Variants in OR1L3 observed in about 807,000 individuals in gnomAD.
OR1L3 encodes olfactory receptor family 1 subfamily L member 3.
For synonymous variants in OR1L3, 137 were observed against 144.5 expected, an observed-to-expected ratio of 0.95 and a Z score of 0.37; for missense variants, 374 against 386.4, an observed-to-expected ratio of 0.97 and a Z score of 0.27.
Position 122,675,275 on chromosome 9 carries a change from T to C in OR1L3, c.146T>C (p.Ile49Thr), listed in dbSNP as rs1302720799. ...GGAAATCTGCTCATCATCTTGGCTATCCACTCTGATCCTCGACTTCAAAAC... is the reference window on the plus strand; with the variant it reads ...GGAAATCTGCTCATCATCTTGGCTACCCACTCTGATCCTCGACTTCAAAAC... ...LMGNLLIILA[I>T]HSDPRLQNPM... The change falls in exon 1 of 1, where the codon ATC (isoleucine) becomes ACC (threonine). Residue 49 changes from isoleucine to threonine, a missense_variant. Ile to Thr is a moderately conservative substitution (Grantham distance 89, BLOSUM62 -1). Transcript: ENST00000304820. 6.2e-7 allele frequency: 1 copy of C among 1,614,212 alleles called. No individual in the cohort carries two copies. The highest frequency in any genetic ancestry group is 2.2e-5 in the East Asian group (1 of 44,874).
Position 122,675,705 on chromosome 9 carries a change from C to A in OR1L3, c.576C>A (p.Thr192=). The change falls in exon 1 of 1, where the codon ACC becomes ACA. Residue 192 remains threonine (T), a synonymous_variant. Transcript: ENST00000304820. The stretch of plus-strand genomic sequence containing the variant: ...TGCTGAAACTGTCCTGCTCCTCCAC[C>A]TTTGTCAATGAAATTGTGGCCATGA... The part of the protein sequence containing the change: ...NPVLKLSCSS[T]FVNEIVAMTE... The A allele has an allele frequency of 6.2e-7, 1 of 1,614,084 alleles. No individual in the cohort carries two copies. The highest frequency in any genetic ancestry group is 8.5e-7 in the Non-Finnish European group (1 of 1,180,030).
Position 122,676,043 on chromosome 9 carries a change from A to T in OR1L3, c.914A>T (p.Asn305Ile), listed in dbSNP as rs754364087. Residue 305 changes from asparagine (N) to isoleucine (I), a missense_variant, in exon 1 of 1, where the codon AAC becomes ATC. Transcript: ENST00000304820. ...AAACGGGGCTTACAGAAATTGATAA[A>T]CAAGATTAAGTCTCAAATGAGTAGG... ...DMKRGLQKLINKIKSQMSRFS... is the reference protein window; with the variant it reads ...DMKRGLQKLIIKIKSQMSRFS... 3.7e-6 allele frequency: 6 copies of T among 1,609,878 alleles called. No individual in the cohort carries two copies. In the East Asian group the frequency reaches 1.1e-4, roughly 30 times the overall value.
rs746677060 is a variant in OR1L3, at chr9:122,675,449, T to C, written c.320T>C (p.Phe107Ser). 2.5e-6 allele frequency: 4 copies of C among 1,614,134 alleles called. No homozygotes were observed. Among genetic ancestry groups the C allele is most frequent in the Non-Finnish European group, 3.4e-6 (4 of 1,180,054 alleles). The change falls in exon 1 of 1, where the codon TTT (phenylalanine) becomes TCT (serine). Residue 107 changes from phenylalanine (F) to serine (S), a missense_variant. Physicochemically the swap from Phe to Ser is radical, Grantham distance 155. Transcript: ENST00000304820. ...CLAQMYFFLV[F>S]GNIDSYLLAA... ...GCACAGATGTATTTCTTCCTGGTTT[T>C]TGGAAACATAGATAGTTATCTCCTG...
At position 122,675,478 on chromosome 9, in the gene OR1L3, G is replaced by T. The variant is rs775893466; in HGVS notation, c.349G>T (p.Ala117Ser). 1 of 1,614,162 alleles carries T rather than the reference G, an allele frequency of 6.2e-7. No homozygotes were observed. The highest frequency in any genetic ancestry group is 1.1e-5 in the South Asian group (1 of 91,070). Residue 117 changes from alanine to serine, a missense_variant, in exon 1 of 1, where the codon GCT (alanine) becomes TCT (serine). By Grantham distance (99) the Ala-to-Ser change is moderately conservative. Transcript: ENST00000304820. Reference protein sequence around the residue: ...FGNIDSYLLAAMAINRCVAIC... With the variant: ...FGNIDSYLLASMAINRCVAIC... ...AAACATAGATAGTTATCTCCTGGCG[G>T]CTATGGCCATCAACCGCTGTGTAGC...
rs867065384 is a variant in OR1L3 at position 122,675,623 on chromosome 9, G to T, written c.494G>T (p.Arg165Leu). ...HSLLHVLLVNRLTFCTSNVIH... is the reference protein window; with the variant it reads ...HSLLHVLLVNLLTFCTSNVIH... Reference sequence around the variant, plus strand: ...CTCCTACATGTCCTCCTGGTGAATCGGCTCACCTTTTGTACATCAAATGTT... The same window carrying T: ...CTCCTACATGTCCTCCTGGTGAATCTGCTCACCTTTTGTACATCAAATGTT... The change falls in exon 1 of 1, where the codon CGG (arginine) becomes CTG (leucine). Residue 165 changes from arginine to leucine, a missense_variant. Transcript: ENST00000304820. The T allele has an allele frequency of 7.4e-6, 12 of 1,614,050 alleles. No homozygotes were observed. Among genetic ancestry groups the T allele is most frequent in the Non-Finnish European group, 1.0e-5 (12 of 1,180,010 alleles).
Position 122,675,493 on chromosome 9 carries a change from C to A in OR1L3, c.364C>A (p.Arg122Ser). The stretch of plus-strand genomic sequence containing the variant: ...TCTCCTGGCGGCTATGGCCATCAAC[C>A]GCTGTGTAGCCATTTGTAACCCATT... ...SYLLAAMAIN[R>S]CVAICNPFHY... Residue 122 changes from arginine (R) to serine (S), a missense_variant, in exon 1 of 1, where the codon CGC becomes AGC. Transcript: ENST00000304820. 6.2e-7 allele frequency: 1 copy of A among 1,614,194 alleles called. No homozygotes were observed. The highest frequency in any genetic ancestry group is 2.2e-5 in the East Asian group (1 of 44,888).
Position 122,675,723 on chromosome 9 carries a change from G to A in OR1L3, c.594G>A (p.Val198=). The change falls in exon 1 of 1, where the codon GTG becomes GTA. Residue 198 remains valine (V), a synonymous_variant. Coordinates refer to ENST00000304820, the MANE Select transcript of OR1L3 (RefSeq NM_001005234.1). ...CCTCCACCTTTGTCAATGAAATTGT[G>A]GCCATGACAGAAGGGCTGGCCTCTG... ...SCSSTFVNEI[V]AMTEGLASVM... 1.2e-6 allele frequency: 2 copies of A among 1,614,020 alleles called. No individual in the cohort carries two copies. Among genetic ancestry groups the A allele is most frequent in the East Asian group, 2.2e-5 (1 of 44,878 alleles).
At position 122,675,538 on chromosome 9, in the gene OR1L3, A is replaced by C. The variant is rs368393655; in HGVS notation, c.409A>C (p.Asn137His). The C allele has an allele frequency of 6.2e-7, 1 of 1,614,090 alleles. No homozygotes were observed. Among genetic ancestry groups the C allele is most frequent in the African/African-American group, 1.3e-5 (1 of 74,944 alleles). ...CNPFHYVTVMNRRCCVLLLAF... is the reference protein window; with the variant it reads ...CNPFHYVTVMHRRCCVLLLAF... ...CCCATTCCATTATGTCACTGTTATG[A>C]ACCGCAGATGCTGTGTGTTGCTACT... The change falls in exon 1 of 1, where the codon AAC becomes CAC. Residue 137 changes from asparagine (N) to histidine (H), a missense_variant. Asn to His is a moderately conservative substitution (Grantham distance 68, BLOSUM62 1). Coordinates refer to ENST00000304820, the MANE Select transcript of OR1L3 (RefSeq NM_001005234.1).
rs746657512 is a variant in OR1L3, at chr9:122,675,728, T to C, written c.599T>C (p.Met200Thr). Residue 200 changes from methionine to threonine, a missense_variant, in exon 1 of 1, where the codon ATG (methionine) becomes ACG (threonine). Transcript: ENST00000304820. ...SSTFVNEIVA[M>T]TEGLASVMAP... is the part of the protein sequence containing the mutation. ...ACCTTTGTCAATGAAATTGTGGCCA[T>C]GACAGAAGGGCTGGCCTCTGTGATG... 8 of 1,614,200 alleles carry C rather than the reference T, an allele frequency of 5.0e-6. No homozygotes were observed. The highest frequency in any genetic ancestry group is 1.1e-5 in the South Asian group (1 of 91,088).
rs751875791 is a variant in OR1L3 at position 122,675,177 on chromosome 9, A to G, written c.48A>G (p.Gly16=). 1 of 1,613,274 alleles carries G rather than the reference A, an allele frequency of 6.2e-7. No individual in the cohort carries two copies. The highest frequency in any genetic ancestry group is 2.2e-5 in the East Asian group (1 of 44,850). ...LTRLSEFILL[G]LSSRSEDQRP... The stretch of plus-strand genomic sequence containing the variant: ...GACTCTCTGAATTTATTCTCTTGGG[A>G]CTCTCCTCTCGGTCTGAAGACCAGA... Residue 16 remains glycine, a synonymous_variant, in exon 1 of 1, where the codon GGA becomes GGG. Transcript: ENST00000304820.
rs1401464742 is a variant in OR1L3, at chr9:122,675,641, C to G, written c.512C>G (p.Ser171Ter). The G allele has an allele frequency of 6.2e-7, 1 of 1,614,164 alleles. No individual in the cohort carries two copies. Among genetic ancestry groups the G allele is most frequent in the African/African-American group, 1.3e-5 (1 of 75,038 alleles). The change falls in exon 1 of 1, where the codon TCA becomes TGA. Residue 171 changes from serine to a stop codon, truncating the protein, a stop_gained. Coordinates refer to ENST00000304820, the MANE Select transcript of OR1L3 (RefSeq NM_001005234.1). LOFTEE classifies it low-confidence loss of function (END_TRUNC). ...GTGAATCGGCTCACCTTTTGTACAT[C>G]AAATGTTATCCATCATTTTTTTTGT... ...LLVNRLTFCT[S>*]NVIHHFFCDV... is the part of the protein sequence containing the mutation.
At position 122,675,761 on chromosome 9, in the gene OR1L3, T is replaced by C. The variant is rs1830643744; in HGVS notation, c.632T>C (p.Phe211Ser). 1 of 1,614,060 alleles carries C rather than the reference T, an allele frequency of 6.2e-7. No individual in the cohort carries two copies. Among genetic ancestry groups the C allele is most frequent in the South Asian group, 1.1e-5 (1 of 91,084 alleles). Residue 211 changes from phenylalanine to serine, a missense_variant, in exon 1 of 1, where the codon TTT becomes TCT. Phe to Ser is a radical substitution (Grantham distance 155). Transcript: ENST00000304820. ...TEGLASVMAPFVCIIISYLRI... is the reference protein window; with the variant it reads ...TEGLASVMAPSVCIIISYLRI... ...GGGCTGGCCTCTGTGATGGCTCCAT[T>C]TGTCTGTATCATCATCTCTTATCTA... is the stretch of plus-strand genomic sequence containing the variant.
At position 122,675,239 on chromosome 9, in the gene OR1L3, T is replaced by A. The variant is rs1214122189; in HGVS notation, c.110T>A (p.Val37Asp). 1 of 1,614,162 alleles carries A rather than the reference T, an allele frequency of 6.2e-7. No homozygotes were observed. Among genetic ancestry groups the A allele is most frequent in the Admixed American group, 1.7e-5 (1 of 60,012 alleles). Residue 37 changes from valine (V) to aspartate (D), a missense_variant, in exon 1 of 1, where the codon GTC (valine) becomes GAC (aspartate). Val to Asp is a radical substitution (Grantham distance 152). Transcript: ENST00000304820. Reference protein sequence around the residue: ...LFALFLIIYLVTLMGNLLIIL... With the variant: ...LFALFLIIYLDTLMGNLLIIL... ...GCCCTCTTTCTTATCATATACCTGG[T>A]CACTTTGATGGGAAATCTGCTCATC...
chr9:122,675,308 A>AT lies in OR1L3; in HGVS notation c.185dup (p.Leu63ProfsTer8). ...GATCCTCGACTTCAAAACCCTATGTATTTTTTCCTAAGCATCTTGTCCTTT... is the reference window on the plus strand; with the variant it reads ...GATCCTCGACTTCAAAACCCTATGTATTTTTTTCCTAAGCATCTTGTCCTTT... On this transcript the variant is annotated frameshift_variant, in exon 1 of 1. Coordinates refer to ENST00000304820, the MANE Select transcript of OR1L3 (RefSeq NM_001005234.1). LOFTEE classifies it low-confidence loss of function (END_TRUNC). 6.2e-7 allele frequency: 1 copy of AT among 1,614,042 alleles called. No individual in the cohort carries two copies.
chr9:122,675,927 T>C lies in OR1L3; in HGVS notation c.798T>C (p.Tyr266=), dbSNP rs1830646051. The C allele has an allele frequency of 6.2e-7, 1 of 1,614,058 alleles. No homozygotes were observed. Among genetic ancestry groups the C allele is most frequent in the South Asian group, 1.1e-5 (1 of 91,080 alleles). Residue 266 remains tyrosine (Y), a synonymous_variant, in exon 1 of 1, where the codon TAT becomes TAC. Coordinates refer to ENST00000304820, the MANE Select transcript of OR1L3 (RefSeq NM_001005234.1). Reference sequence around the variant, plus strand: ...TCTATTTGCAGCCTTTGTCCAGCTATACTGTCAAGGACCGAATAGCAACAA... The same window carrying C: ...TCTATTTGCAGCCTTTGTCCAGCTACACTGTCAAGGACCGAATAGCAACAA... ...SYVYLQPLSS[Y]TVKDRIATIN...
In OR1L3 at chr9:122,675,930, T is replaced by A. The variant is rs965577783; in HGVS notation, c.801T>A (p.Thr267=). The A allele has an allele frequency of 6.2e-7, 1 of 1,614,158 alleles. No individual in the cohort carries two copies. Among genetic ancestry groups the A allele is most frequent in the Admixed American group, 1.7e-5 (1 of 60,010 alleles). Residue 267 remains threonine, a synonymous_variant, in exon 1 of 1, where the codon ACT becomes ACA. Coordinates refer to ENST00000304820, the MANE Select transcript of OR1L3 (RefSeq NM_001005234.1). ...YVYLQPLSSY[T]VKDRIATINY... is the part of the protein sequence containing the mutation. The stretch of plus-strand genomic sequence containing the variant: ...ATTTGCAGCCTTTGTCCAGCTATAC[T>A]GTCAAGGACCGAATAGCAACAATCA...
chr9:122,675,862 C>G lies in OR1L3; in HGVS notation c.733C>G (p.Leu245Val). 1 of 1,614,124 alleles carries G rather than the reference C, an allele frequency of 6.2e-7. No homozygotes were observed. Among genetic ancestry groups the G allele is most frequent in the Non-Finnish European group, 8.5e-7 (1 of 1,180,008 alleles). ...AGCCTTCTCCACCTGCAGCTCCCAT[C>G]TCACTGTGGTGATTCTGTTTTATGG... ...HKAFSTCSSHLTVVILFYGSI... is the reference protein window; with the variant it reads ...HKAFSTCSSHVTVVILFYGSI... The change falls in exon 1 of 1, where the codon CTC becomes GTC. Residue 245 changes from leucine (L) to valine (V), a missense_variant. Transcript: ENST00000304820.
Position 122,675,881 on chromosome 9 carries a change from T to C in OR1L3, c.752T>C (p.Phe251Ser). ...TCCCATCTCACTGTGGTGATTCTGTTTTATGGGAGTATTAGCTATGTCTAT... is the reference window on the plus strand; with the variant it reads ...TCCCATCTCACTGTGGTGATTCTGTCTTATGGGAGTATTAGCTATGTCTAT... ...CSSHLTVVILFYGSISYVYLQ... is the reference protein window; with the variant it reads ...CSSHLTVVILSYGSISYVYLQ... Residue 251 changes from phenylalanine to serine, a missense_variant, in exon 1 of 1, where the codon TTT becomes TCT. By Grantham distance (155) the Phe-to-Ser change is radical. Transcript: ENST00000304820. 6.2e-7 allele frequency: 1 copy of C among 1,614,066 alleles called. No individual in the cohort carries two copies. The highest frequency in any genetic ancestry group is 8.5e-7 in the Non-Finnish European group (1 of 1,180,024).
At position 122,675,979 on chromosome 9, in the gene OR1L3, T is replaced by C; in HGVS notation, c.850T>C (p.Leu284=). 1.2e-6 allele frequency: 2 copies of C among 1,614,180 alleles called. No homozygotes were observed. Among genetic ancestry groups the C allele is most frequent in the Non-Finnish European group, 1.7e-6 (2 of 1,180,020 alleles). The change falls in exon 1 of 1, where the codon TTG becomes CTG. Residue 284 remains leucine (L), a synonymous_variant. Coordinates refer to ENST00000304820, the MANE Select transcript of OR1L3 (RefSeq NM_001005234.1). The stretch of plus-strand genomic sequence containing the variant: ...CAACTACACTGTGTTGACATCAGTG[T>C]TGAACCCATTTATCTACAGTTTAAG... ...TINYTVLTSV[L]NPFIYSLRNK... is the part of the protein sequence containing the mutation.
Sources: allele counts gnomAD v4.1 joint callset, GRCh38; gene constraint gnomAD v4.1.1; transcripts MANE v1.5; gene names NCBI Gene and HGNC (gene_info 2026-07-23, HGNC 2026-07-21).